The following ASTN2 variants were observed in gnomAD, a reference collection of about 807,000 sequenced individuals.
ASTN2 encodes astrotactin-2.
ASTN2 carries 54 observed loss-of-function variants against 139.8 expected under a neutral mutation model. The ratio of observed to expected loss-of-function variants is 0.39; its 90% CI spans 0.31 to 0.48. The LOEUF (loss-of-function observed/expected upper bound fraction) is 0.48, where lower values mean the gene tolerates loss of function less well. Among genes scored for constraint, ASTN2 ranks in the 20% least tolerant of loss-of-function variants. The pLI is 0.95. For synonymous variants in ASTN2, 756 were observed against 719.5 expected (o/e 1.05, Z -0.81); for missense variants, 1,565 against 1,725.1 (o/e 0.91, Z 1.64).
chr9:117,263,839 C>T (rs138057592), intron 2 of ASTN2, among the ~76,000 whole-genome samples: 86 of 152,250 alleles, frequency 5.6e-4, no homozygotes, highest in Middle Eastern at 3.4e-3. Context: ...CAAATCAGAA[C>T]ATCCTGTCCT....
chr9:117,381,556 C>T (rs1457895622), intron 1 of ASTN2, among the ~76,000 whole-genome samples: 1 of 152,118 alleles, frequency 6.6e-6, no homozygotes, highest in East Asian at 1.9e-4. Flanking sequence ...TTCTCTCTTG[C>T]TCCTGCTTTT....
intron 4 of ASTN2, among the ~76,000 whole-genome samples, chr9:117,114,165 TC>T (rs906624500): frequency 1.7e-5 from 2 of 120,442 alleles, no homozygotes; most frequent in African/African-American, 6.3e-5. Context: ...TGAACATTAG[TC>T]TTTTTTTTTT....
intron 17 of ASTN2, among the ~76,000 whole-genome samples, chr9:116,650,546 A>T (rs915953360): frequency 6.6e-6 from 1 of 152,194 alleles, no homozygotes; most frequent in Non-Finnish European, 1.5e-5. Context: ...ATAAGTAAAA[A>T]ATGGCCAAAT....
At chr9:116,670,251 T>C (rs910831847) in intron 16 of ASTN2, among the ~76,000 whole-genome samples, 12 of 152,200 alleles carry the variant, frequency 7.9e-5, no homozygotes, top group African/African-American at 2.9e-4. Flanking sequence ...ACTATGTAAG[T>C]ACTTAGAACA....
chr9:116,766,465 AACTC>A (rs549159679), intron 13 of ASTN2, among the ~76,000 whole-genome samples: 133 of 149,710 alleles, frequency 8.9e-4, no homozygotes, highest in Non-Finnish European at 2.2e-4. Context: ...TACTCACACA[AACTC>A]AGTCACATCA....
chr9:116,493,567 A>G (rs1394897019), intron 19 of ASTN2, among the ~76,000 whole-genome samples: 2 of 152,050 alleles, frequency 1.3e-5, no homozygotes. Flanking sequence ...CAAAGCATGG[A>G]TCAATTTTTC....
chr9:117,288,686 T>C (rs1281093171), intron 2 of ASTN2, among the ~76,000 whole-genome samples: 1 of 152,212 alleles, frequency 6.6e-6, no homozygotes, highest in African/African-American at 2.4e-5. Context: ...GTAAACACTC[T>C]TTTTGTTCTT....
chr9:117,044,503 A>G (rs995588048), intron 5 of ASTN2, among the ~76,000 whole-genome samples: 2 of 152,198 alleles, frequency 1.3e-5, no homozygotes, highest in African/African-American at 2.4e-5. Flanking sequence ...TAACTTCCTA[A>G]GAGTTCCTGG....
chr9:116,616,672 A>G (rs1386428985), intron 19 of ASTN2, among the ~76,000 whole-genome samples: 1 of 152,116 alleles, frequency 6.6e-6, no homozygotes, highest in East Asian at 1.9e-4. Context: ...AGAGATGTGA[A>G]GCGTTATTGT....
At chr9:116,955,145 G>T (rs539232564) in intron 10 of ASTN2, among the ~76,000 whole-genome samples, 3 of 152,206 alleles carry the variant, frequency 2.0e-5, no homozygotes, top group Non-Finnish European at 4.4e-5. Flanking sequence ...ACCTTGGCCA[G>T]GTGGCTGAGG....
rs1432191841 is a variant in ASTN2, at chr9:116,698,884, G to A, written c.2806+26887C>T. 3 of 1,614,120 alleles carry A rather than the reference G, an allele frequency of 1.9e-6. No homozygotes were observed. Among genetic ancestry groups the A allele is most frequent in the Admixed American group, 3.3e-5 (2 of 60,016 alleles). On this transcript the variant is annotated intron_variant, in intron 16 of 22. Coordinates refer to ENST00000313400, the MANE Select transcript of ASTN2 (RefSeq NM_001365068.1). The surrounding 1 kb of genome is among the most constrained non-coding windows in gnomAD (Gnocchi z 4.4). ...CTTCCAGTCAGTCTCTACGTGACCAGTCAAGGTGAAGTACTAGTCGCTGAC... is the reference window on the plus strand; with the variant it reads ...CTTCCAGTCAGTCTCTACGTGACCAATCAAGGTGAAGTACTAGTCGCTGAC...
In ASTN2 at chr9:116,672,001, G is replaced by C. The variant is rs151146486; in HGVS notation, c.2807-20208C>G. Among the ~76,000 whole-genome samples, 460 of 152,230 alleles carry C rather than the reference G, an allele frequency of 3.0e-3. 1 individual carries two copies. Among genetic ancestry groups the C allele is most frequent in the African/African-American group, 0.01 (431 of 41,548 alleles). Reference sequence around the variant, plus strand: ...GAGGGGAAAAAAAGTGTGTTGTTTCGAGTGGCAAAATTTTGGAGGTAATTT... The same window carrying C: ...GAGGGGAAAAAAAGTGTGTTGTTTCCAGTGGCAAAATTTTGGAGGTAATTT... On this transcript the variant is annotated intron_variant, in intron 16 of 22. Coordinates refer to ENST00000313400, the MANE Select transcript of ASTN2 (RefSeq NM_001365068.1).
intron 4 of ASTN2, among the ~76,000 whole-genome samples, chr9:117,123,681 G>C (rs193076868): frequency 1.3e-5 from 2 of 152,094 alleles, no homozygotes; most frequent in Non-Finnish European, 2.9e-5. Flanking sequence ...TTCATCTTTG[G>C]AGACTCAGAG....
chr9:117,074,726 A>G (rs1438005308), intron 5 of ASTN2, among the ~76,000 whole-genome samples: 1 of 152,204 alleles, frequency 6.6e-6, no homozygotes, highest in African/African-American at 2.4e-5. Context: ...CTGTGTATAC[A>G]ATACCTCTTT....
At chr9:117,227,377 T>C (rs1424915882) in intron 2 of ASTN2, among the ~76,000 whole-genome samples, 2 of 152,244 alleles carry the variant, frequency 1.3e-5, no homozygotes, top group Non-Finnish European at 2.9e-5. Flanking sequence ...TTTGTTTTGT[T>C]CATTACTGTC....
Position 116,587,363 on chromosome 9 carries a change from A to G in ASTN2, c.3355+30961T>C, listed in dbSNP as rs1223678933. 2.6e-5 allele frequency among the ~76,000 whole-genome samples: 4 copies of G among 151,296 alleles called. No individual in the cohort carries two copies. In the East Asian group the frequency reaches 7.7e-4, roughly 29 times the overall value. On this transcript the variant is annotated intron_variant, in intron 19 of 22. Coordinates refer to ENST00000313400, the MANE Select transcript of ASTN2 (RefSeq NM_001365068.1). The stretch of plus-strand genomic sequence containing the variant: ...CTCAAATTTAAAAAAAAAAAAAAAA[A>G]AAAGCACACTGTTATAGAAGATCAG...
At chr9:117,372,859 G>T (rs1830024542) in intron 1 of ASTN2, among the ~76,000 whole-genome samples, 1 of 152,098 alleles carries the variant, frequency 6.6e-6, no homozygotes, top group African/African-American at 2.4e-5. Context: ...TTGTTTGTAA[G>T]CACATTGGAA....
rs57451819 is a variant in ASTN2, at chr9:116,739,089, C to T, written c.2397-5566G>A. 6.0e-3 allele frequency among the ~76,000 whole-genome samples: 906 copies of T among 152,174 alleles called. 3 individuals are homozygous for T. Among genetic ancestry groups the T allele is most frequent in the African/African-American group, 0.02 (812 of 41,526 alleles). Reference sequence around the variant, plus strand: ...TCTATAAAAACAGTTCAATCTCAGTCGACATTCTAGGGAAACAATTCATCG... The same window carrying T: ...TCTATAAAAACAGTTCAATCTCAGTTGACATTCTAGGGAAACAATTCATCG... On this transcript the variant is annotated intron_variant, in intron 13 of 22. Coordinates refer to ENST00000313400, the MANE Select transcript of ASTN2 (RefSeq NM_001365068.1).
At chr9:116,636,076 T>A (rs2131878774) in intron 17 of ASTN2, among the ~76,000 whole-genome samples, 1 of 152,306 alleles carries the variant, frequency 6.6e-6, no homozygotes, top group African/African-American at 2.4e-5. Flanking sequence ...GCTCTATTCT[T>A]TGCATGCTGA....
Sources: gnomAD v4.1 joint callset for allele counts (sites outside exome capture counted in the v4.1 genomes callset) on GRCh38, gnomAD v4.1.1 for gene constraint, Gnocchi (gnomAD v3.1) non-coding constraint, MANE v1.5 for transcripts, NCBI Gene and HGNC (gene_info 2026-07-23, HGNC 2026-07-21) for gene names.